Variants in RHOQ observed in about 807,000 individuals in gnomAD.
RHOQ encodes the protein rho-related GTP-binding protein RhoQ.
A neutral mutation model predicts 25.8 loss-of-function variants in RHOQ; 7 were observed. That is an observed-to-expected ratio of 0.27 (90% CI 0.15 to 0.51). The LOEUF (loss-of-function observed/expected upper bound fraction) is 0.51, where lower values mean the gene tolerates loss of function less well. Ranked by LOEUF, RHOQ falls within the 20% of genes least tolerant of loss-of-function variation. The pLI is 0.97. For synonymous variants in RHOQ, 97 were observed against 98.6 expected, an observed-to-expected ratio of 0.98 and a Z score of 0.10; for missense variants, 165 against 260.6, an observed-to-expected ratio of 0.63 and a Z score of 2.53.
At chr2:46,546,585 C>A (rs551318357) in intron 2 of RHOQ, among the ~76,000 whole-genome samples, 1 of 137,930 alleles carries the variant, frequency 7.3e-6, no homozygotes, top group Admixed American at 7.5e-5. Context: ...GGCTTTGGAA[C>A]AAAACAGGCC....
In RHOQ at chr2:46,569,968, T is replaced by C. The variant is rs903277487; in HGVS notation, c.202-6119T>C. Among the ~76,000 whole-genome samples, 5 of 152,188 alleles carry C rather than the reference T, an allele frequency of 3.3e-5. No individual in the cohort carries two copies. Among genetic ancestry groups the C allele is most frequent in the African/African-American group, 9.7e-5 (4 of 41,446 alleles). On this transcript the variant is annotated intron_variant, in intron 2 of 4. Transcript: ENST00000238738. The surrounding 1 kb of genome is among the most constrained non-coding windows in gnomAD (Gnocchi z 4.1). ...GAGGTAGTAGGAAGTGGTAGGCAAA[T>C]TCAGTAAACTCATCACTGGTGAGTT...
chr2:46,556,942 G>A lies in RHOQ; in HGVS notation c.201+13130G>A, dbSNP rs1668427302. 6.6e-6 allele frequency among the ~76,000 whole-genome samples: 1 copy of A among 152,208 alleles called. No homozygotes were observed. Among genetic ancestry groups the A allele is most frequent in the South Asian group, 2.1e-4 (1 of 4,830 alleles). On this transcript the variant is annotated intron_variant, in intron 2 of 4. Coordinates refer to ENST00000238738, the MANE Select transcript of RHOQ (RefSeq NM_012249.4). The surrounding 1 kb of genome is among the most constrained non-coding windows in gnomAD (Gnocchi z 4.9). ...ACTCGTAAGAGATCAGCCTATAAAT[G>A]AGGTTGCCAAAGAGTTAATCTACCA...
intron 2 of RHOQ, among the ~76,000 whole-genome samples, chr2:46,560,046 GA>G (rs1395229951): frequency 6.6e-6 from 1 of 152,128 alleles, no homozygotes; most frequent in Non-Finnish European, 1.5e-5. Flanking sequence ...TAGGGAAGGG[GA>G]AAAGGTATTA....
At chr2:46,544,619 C>G (rs1667989075) in intron 2 of RHOQ, among the ~76,000 whole-genome samples, 1 of 152,224 alleles carries the variant, frequency 6.6e-6, no homozygotes, top group African/African-American at 2.4e-5. Context: ...CTCCCTGTCC[C>G]AGCTTCAGCC....
At chr2:46,550,722 C>A (rs1022108924) in intron 2 of RHOQ, among the ~76,000 whole-genome samples, 1 of 152,224 alleles carries the variant, frequency 6.6e-6, no homozygotes, top group African/African-American at 2.4e-5. Context: ...TTATACCCTG[C>A]AGCATAGCTG....
intron 2 of RHOQ, among the ~76,000 whole-genome samples, chr2:46,557,222 G>T (rs1363281855): frequency 6.6e-6 from 1 of 152,146 alleles, no homozygotes; most frequent in Non-Finnish European, 1.5e-5. Context: ...ATGAATTTAT[G>T]CCTAGAAAAC....
chr2:46,554,628 G>C (rs751089431), intron 2 of RHOQ, among the ~76,000 whole-genome samples: 1 of 152,040 alleles, frequency 6.6e-6, no homozygotes, highest in African/African-American at 2.4e-5. Context: ...TTCCCCAGGC[G>C]GGTCACAAGG....
intron 2 of RHOQ, among the ~76,000 whole-genome samples, chr2:46,546,487 T>TATATAC (rs1668062887): frequency 3.9e-5 from 1 of 25,794 alleles, no homozygotes; most frequent in Non-Finnish European, 6.5e-5. Flanking sequence ...TATATATATA[T>TATATAC]ATATATATAT....
At chr2:46,561,748 C>T (rs916141422) in intron 2 of RHOQ, among the ~76,000 whole-genome samples, 4 of 152,148 alleles carry the variant, frequency 2.6e-5, no homozygotes, top group African/African-American at 7.2e-5. Flanking sequence ...TCCTTGGACC[C>T]GTTTATCCCA....
chr2:46,576,524 G>A lies in RHOQ; in HGVS notation c.367-37G>A, dbSNP rs762222260. Reference sequence around the variant, plus strand: ...TGCTTTGATTTTTCTTTAAAGATTTGTAATATTATGGGACATTATTGACCT... The same window carrying A: ...TGCTTTGATTTTTCTTTAAAGATTTATAATATTATGGGACATTATTGACCT... On this transcript the variant is annotated intron_variant, in intron 3 of 4. Transcript: ENST00000238738. This position sits in a 1 kb window ranked among gnomAD's most constrained non-coding sequence, Gnocchi z 5.1. The A allele has an allele frequency of 7.9e-7, 1 of 1,259,686 alleles. No individual in the cohort carries two copies. Among genetic ancestry groups the A allele is most frequent in the South Asian group, 1.3e-5 (1 of 75,222 alleles). The allele number at this position is 1,259,686 out of a possible 1,614,324, so 78.0% of individuals were successfully genotyped here. A position where few individuals can be genotyped will look rare whatever the true frequency, so the allele number is the denominator to read the frequency against.
intron 2 of RHOQ, among the ~76,000 whole-genome samples, chr2:46,544,345 A>T (rs1053029995): frequency 1.3e-5 from 2 of 152,230 alleles, no homozygotes; most frequent in Non-Finnish European, 2.9e-5. Context: ...AAAGGACCAC[A>T]GGGAAAAAAG....
intron 1 of RHOQ, chr2:46,543,478 G>A: frequency 1.7e-6 from 1 of 599,388 alleles, no homozygotes; most frequent in Non-Finnish European, 3.0e-6. Context: ...CTTTCCTACT[G>A]CCCCAAGGCC....
chr2:46,546,094 G>C (rs1668035640), intron 2 of RHOQ, among the ~76,000 whole-genome samples: 1 of 152,050 alleles, frequency 6.6e-6, no homozygotes, highest in African/African-American at 2.4e-5. Context: ...CCCAGCATTT[G>C]AGGGTTTATT....
At chr2:46,546,474 GTGTA>G (rs1357751663) in intron 2 of RHOQ, among the ~76,000 whole-genome samples, 1,506 of 16,680 alleles carry the variant, frequency 0.09, 34 homozygotes, top group Non-Finnish European at 0.12. Flanking sequence ...ATATATATAT[GTGTA>G]TATATATATA....
At chr2:46,543,678 C>T in intron 1 of RHOQ, 76 bp from the exon 2 acceptor site, 1 of 1,357,650 alleles carries the variant, frequency 7.4e-7, no homozygotes, top group Non-Finnish European at 1.0e-6. Context: ...GAGGAGGGTC[C>T]GGGTGGGGAG....
intron 2 of RHOQ, among the ~76,000 whole-genome samples, chr2:46,563,909 C>A (rs1668647957): frequency 6.6e-6 from 1 of 151,990 alleles, no homozygotes; most frequent in Admixed American, 6.5e-5. Context: ...CTTGGCTTCC[C>A]AAAGTGCTAG....
chr2:46,551,310 G>A (rs1668235470), intron 2 of RHOQ, among the ~76,000 whole-genome samples: 1 of 152,140 alleles, frequency 6.6e-6, no homozygotes, highest in Admixed American at 6.6e-5. Context: ...TGCAGCAGTG[G>A]CTCCTCTACT....
At chr2:46,562,736 G>A (rs1292103321) in intron 2 of RHOQ, among the ~76,000 whole-genome samples, 4 of 152,206 alleles carry the variant, frequency 2.6e-5, no homozygotes, top group Middle Eastern at 3.4e-3. Flanking sequence ...TTTGAAAAAC[G>A]TATTTGAGAT....
intron 2 of RHOQ, among the ~76,000 whole-genome samples, chr2:46,554,500 G>A (rs1039770884): frequency 1.3e-5 from 2 of 152,302 alleles, no homozygotes; most frequent in Admixed American, 6.5e-5. Flanking sequence ...CATTGTGGCT[G>A]AGGTTAGCAC....
Sources: allele counts gnomAD v4.1 joint callset (sites outside exome capture counted in the v4.1 genomes callset), GRCh38; gene constraint gnomAD v4.1.1; non-coding constraint Gnocchi (gnomAD v3.1); transcripts MANE v1.5; gene names NCBI Gene and HGNC (gene_info 2026-07-23, HGNC 2026-07-21).